The following NIPBL variants were observed in gnomAD, a reference collection of about 807,000 sequenced individuals.
NIPBL encodes the protein nipped-B-like protein.
NIPBL carries 19 observed loss-of-function variants against 321.8 expected under a neutral mutation model. That is an observed-to-expected ratio of 0.06 (90% CI 0.04 to 0.09). The LOEUF (loss-of-function observed/expected upper bound fraction) is 0.09. Among genes scored for constraint, NIPBL ranks in the 10% least tolerant of loss-of-function variants. NIPBL has a pLI of 1.00. For synonymous variants in NIPBL, 1,106 were observed against 1,114.1 expected (o/e 0.99, Z 0.14); for missense variants, 2,210 against 3,327.0 (o/e 0.66, Z 8.26).
At position 36,961,564 on chromosome 5, in the gene NIPBL, A is replaced by G. The variant is rs1741626210; in HGVS notation, c.439A>G (p.Ile147Val). Residue 147 changes from isoleucine (I) to valine (V), a missense_variant, in exon 5 of 47, where the codon ATC becomes GTC. Physicochemically the swap from Ile to Val is conservative, Grantham distance 29. Coordinates refer to ENST00000282516, the MANE Select transcript of NIPBL (RefSeq NM_133433.4). ...ATCTTCCAATTATCAACAAACCACT[A>G]TCTCACATAGCCCCTCCAGGTAATA... is the stretch of plus-strand genomic sequence containing the variant. Reference protein sequence around the residue: ...PASSNYQQTTISHSPSSRFVP... With the variant: ...PASSNYQQTTVSHSPSSRFVP... 1.2e-6 allele frequency: 2 copies of G among 1,600,920 alleles called. No homozygotes were observed. Among genetic ancestry groups the G allele is most frequent in the South Asian group, 1.1e-5 (1 of 90,788 alleles).
intron 16 of NIPBL, 107 bp downstream of exon 16, chr5:37,003,454 GTCAACTGTGA>G (rs1286134245): frequency 1.5e-6 from 1 of 684,726 alleles, no homozygotes; most frequent in Non-Finnish European, 2.6e-6. Context: ...GTTACCTACA[GTCAACTGTGA>G]TCTGAAAGTA....
In NIPBL at chr5:36,970,926, A is replaced by G. The variant is rs1329998787; in HGVS notation, c.661A>G (p.Asn221Asp). Residue 221 changes from asparagine (N) to aspartate (D), a missense_variant, in exon 7 of 47, where the codon AAT (asparagine) becomes GAT (aspartate). Asn to Asp is a conservative substitution (Grantham distance 23, BLOSUM62 1). Transcript: ENST00000282516. ...AGGTGGTTTGAGAAACATACATGAT[A>G]ATAAAGTTTCTGGTCCGTTGTCTGG... ...VAGGLRNIHD[N>D]KVSGPLSGNS... 1 of 1,613,842 alleles carries G rather than the reference A, an allele frequency of 6.2e-7. No individual in the cohort carries two copies. Among genetic ancestry groups the G allele is most frequent in the Non-Finnish European group, 8.5e-7 (1 of 1,179,808 alleles).
chr5:36,882,018 G>C (rs1259081382), intron 1 of NIPBL, among the ~76,000 whole-genome samples: 1 of 151,976 alleles, frequency 6.6e-6, no homozygotes, highest in South Asian at 2.1e-4. Context: ...TAGTATGACT[G>C]ATCATTTTGT....
intron 1 of NIPBL, among the ~76,000 whole-genome samples, chr5:36,950,672 ATCT>A (rs1333460301): frequency 4.6e-5 from 7 of 152,110 alleles, no homozygotes; most frequent in Admixed American, 2.0e-4. Flanking sequence ...CCTCATTAAA[ATCT>A]TCTTTACAGT....
chr5:36,931,484 A>AT (rs1271496952), intron 1 of NIPBL, among the ~76,000 whole-genome samples: 1 of 151,772 alleles, frequency 6.6e-6, no homozygotes, highest in Non-Finnish European at 1.5e-5. Flanking sequence ...TGCCTGGCTA[A>AT]TTTTTGTATT....
chr5:37,049,030 G>A, intron 39 of NIPBL, 81 bp from the exon 40 acceptor site: 1 of 1,424,396 alleles, frequency 7.0e-7, no homozygotes, highest in Non-Finnish European at 9.9e-7. Context: ...TGTGATTTTG[G>A]TTATGGCCTA....
At chr5:36,953,122 C>CCT (rs1160369920) in intron 1 of NIPBL, among the ~76,000 whole-genome samples, 1 of 152,024 alleles carries the variant, frequency 6.6e-6, no homozygotes, top group Admixed American at 6.6e-5. Context: ...CTGATTAGAT[C>CCT]AGGTTGGTTG....
chr5:36,953,597 T>C (rs570209473), intron 1 of NIPBL, 21 bp from the exon 2 acceptor site: 22 of 909,008 alleles, frequency 2.4e-5, no homozygotes, highest in Non-Finnish European at 3.9e-5. Context: ...TACAAATAAT[T>C]GTCTGTTTTG....
In NIPBL at chr5:37,065,252, T is replaced by G. The variant is rs1339706643; in HGVS notation, c.*360T>G. ...AGTTTAACCTAGCAGCGGATGGCTT[T>G]CTTTAGCTTAGCCCAGTTTCCAGGG... is the stretch of plus-strand genomic sequence containing the variant. On this transcript the variant is annotated 3_prime_UTR_variant, in exon 47 of 47. Transcript: ENST00000282516. 7.9e-6 allele frequency: 2 copies of G among 253,032 alleles called. No homozygotes were observed. Among genetic ancestry groups the G allele is most frequent in the Middle Eastern group, 1.6e-3 (1 of 630 alleles). The allele number at this position is 253,032 out of a possible 1,614,324, so 15.7% of individuals were successfully genotyped here.
At position 36,955,609 on chromosome 5, in the gene NIPBL, A is replaced by G. The variant is rs1740847769; in HGVS notation, c.202A>G (p.Ser68Gly). 1.5e-5 allele frequency: 25 copies of G among 1,614,040 alleles called. No homozygotes were observed. Among genetic ancestry groups the G allele is most frequent in the Non-Finnish European group, 2.0e-5 (24 of 1,179,960 alleles). ...DDNLVSQLVH[S>G]LNQVSTDHIE... ...CAATTTGGTTTCACAGCTTGTCCAT[A>G]GCCTCAACCAGGTATCAACAGATCA... Residue 68 changes from serine to glycine, a missense_variant, in exon 3 of 47, where the codon AGC becomes GGC. This residue lies in a region of NIPBL where 464 missense variants were observed against 529.5 expected (regional missense o/e 0.88). Transcript: ENST00000282516.
chr5:37,033,081 GAA>G (rs1435392430), intron 32 of NIPBL, among the ~76,000 whole-genome samples: 1 of 152,076 alleles, frequency 6.6e-6, no homozygotes, highest in Admixed American at 6.6e-5. Flanking sequence ...GAGTGGGCAA[GAA>G]AAACTTTTGA....
At chr5:36,967,748 A>G (rs1742367508) in intron 6 of NIPBL, among the ~76,000 whole-genome samples, 1 of 152,190 alleles carries the variant, frequency 6.6e-6, no homozygotes, top group Non-Finnish European at 1.5e-5. Context: ...GCTAGACTCA[A>G]ACTCCTGGGC....
intron 1 of NIPBL, among the ~76,000 whole-genome samples, chr5:36,926,806 ATG>A (rs1486409113): frequency 1.3e-5 from 2 of 152,208 alleles, no homozygotes; most frequent in African/African-American, 4.8e-5. Flanking sequence ...AGTACTAATC[ATG>A]TGGTTTTTAA....
intron 1 of NIPBL, among the ~76,000 whole-genome samples, chr5:36,901,963 ATG>A (rs1747264133): frequency 3.9e-5 from 6 of 152,200 alleles, no homozygotes; most frequent in Non-Finnish European, 8.8e-5. Flanking sequence ...CTGGTGTGCA[ATG>A]GTGTCTCATT....
At chr5:36,957,981 C>G in intron 3 of NIPBL, 123 bp from the exon 4 acceptor site, 1 of 762,522 alleles carries the variant, frequency 1.3e-6, no homozygotes, top group Non-Finnish European at 1.9e-6. Flanking sequence ...GAGACTTCGT[C>G]TCAAAAAAAA....
In NIPBL at chr5:36,902,215, T is replaced by G. The variant is rs1407005912; in HGVS notation, c.-80+25037T>G. On this transcript the variant is annotated intron_variant, in intron 1 of 46. Transcript: ENST00000282516. ...TTCTTCCATTCTGTAGGTTGTCTGT[T>G]CACTCTGTTGATAGTTTCTTTGGCT... Among the ~76,000 whole-genome samples, 5 of 152,310 alleles carry G rather than the reference T, an allele frequency of 3.3e-5. 1 individual carries two copies. The highest frequency in any genetic ancestry group is 1.2e-4 in the African/African-American group (5 of 41,570).
At chr5:36,897,291 C>A (rs56680779) in intron 1 of NIPBL, among the ~76,000 whole-genome samples, 20 of 152,232 alleles carry the variant, frequency 1.3e-4, no homozygotes, top group Non-Finnish European at 1.8e-4. Context: ...CATGAGCCAC[C>A]GCATCCGGCC....
At chr5:36,906,176 A>G (rs777841016) in intron 1 of NIPBL, among the ~76,000 whole-genome samples, 1 of 152,068 alleles carries the variant, frequency 6.6e-6, no homozygotes, top group African/African-American at 2.4e-5. Flanking sequence ...CGAAAATAAA[A>G]CCCTACCATT....
chr5:36,916,791 G>A (rs2149552251), intron 1 of NIPBL, among the ~76,000 whole-genome samples: 1 of 152,164 alleles, frequency 6.6e-6, no homozygotes, highest in East Asian at 1.9e-4. Flanking sequence ...GAGAATGATG[G>A]TTTCCAGCTT....
Sources: allele counts gnomAD v4.1 joint callset (sites outside exome capture counted in the v4.1 genomes callset), GRCh38; gene constraint gnomAD v4.1.1; regional missense constraint gnomAD v4.1.1; transcripts MANE v1.5; gene names NCBI Gene and HGNC (gene_info 2026-07-23, HGNC 2026-07-21).